The following DSCAM variants were observed in gnomAD, a reference collection of about 807,000 sequenced individuals.
DSCAM encodes the protein DS cell adhesion molecule, also known as cell adhesion molecule DSCAM.
A neutral mutation model predicts 217.7 loss-of-function variants in DSCAM; 47 were observed. That is an observed-to-expected ratio of 0.22 (90% confidence interval 0.17 to 0.28). The LOEUF is 0.28. DSCAM is among the 10% of genes least tolerant of loss of function. The pLI, the probability that DSCAM is intolerant of heterozygous loss-of-function variation, is 1.00. For synonymous variants in DSCAM, 1,056 were observed against 1,015.3 expected (o/e 1.04, Z -0.76); for missense variants, 2,080 against 2,618.3 (o/e 0.79, Z 4.49).
chr21:40,215,444 T>G (rs768701648), intron 11 of DSCAM, among the ~76,000 whole-genome samples: 2 of 150,918 alleles, frequency 1.3e-5, no homozygotes, highest in Non-Finnish European at 2.9e-5. Context: ...AAGAAAAAAT[T>G]GTGATATATA....
chr21:40,739,605 C>A (rs1266118898), intron 1 of DSCAM, among the ~76,000 whole-genome samples: 1 of 152,092 alleles, frequency 6.6e-6, no homozygotes, highest in African/African-American at 2.4e-5. Flanking sequence ...AACTTAATGA[C>A]ATTATTTTAA....
At chr21:40,594,027 C>T (rs1223198932) in intron 3 of DSCAM, among the ~76,000 whole-genome samples, 1 of 152,004 alleles carries the variant, frequency 6.6e-6, no homozygotes, top group Non-Finnish European at 1.5e-5. Context: ...TTCATTTATC[C>T]CCCTATATTT....
chr21:40,364,779 T>C (rs189647753), intron 4 of DSCAM, among the ~76,000 whole-genome samples: 10,392 of 143,164 alleles, frequency 0.073, 427 homozygotes, highest in East Asian at 0.2. Context: ...TATATATATA[T>C]ACACACATAC....
intron 4 of DSCAM, among the ~76,000 whole-genome samples, chr21:40,356,115 A>G (rs544884446): frequency 7.3e-4 from 111 of 152,274 alleles, no homozygotes; most frequent in African/African-American, 2.3e-3. Flanking sequence ...GAGTGCAGAT[A>G]TGTAATTTCA....
chr21:40,247,077 G>A (rs1601481037), intron 11 of DSCAM, among the ~76,000 whole-genome samples: 2 of 152,248 alleles, frequency 1.3e-5, no homozygotes, highest in South Asian at 4.2e-4. Context: ...ATTGTGAGAT[G>A]TATTCACTAT....
chr21:40,264,470 A>G (rs1375771416), intron 11 of DSCAM, among the ~76,000 whole-genome samples: 1 of 152,220 alleles, frequency 6.6e-6, no homozygotes, highest in Non-Finnish European at 1.5e-5. Context: ...TGATCATCTC[A>G]ATAGAGGCAG....
chr21:40,052,685 T>A (rs1199411376), intron 29 of DSCAM, among the ~76,000 whole-genome samples: 1 of 152,256 alleles, frequency 6.6e-6, no homozygotes, highest in Admixed American at 6.5e-5. Flanking sequence ...ACTCAAGGTA[T>A]GTTCCTTTTC....
intron 3 of DSCAM, among the ~76,000 whole-genome samples, chr21:40,405,093 A>G (rs1273054680): frequency 1.3e-5 from 2 of 152,214 alleles, no homozygotes; most frequent in African/African-American, 4.8e-5. Flanking sequence ...GCAAAGGTGA[A>G]TGGGACATAG....
chr21:40,399,296 CAAAA>C (rs766082182), intron 3 of DSCAM, among the ~76,000 whole-genome samples: 3 of 151,816 alleles, frequency 2.0e-5, no homozygotes, highest in African/African-American at 7.3e-5. Context: ...CAAAACAAAA[CAAAA>C]CAAAACAAAA....
intron 3 of DSCAM, among the ~76,000 whole-genome samples, chr21:40,644,524 C>T (rs1220980370): frequency 6.6e-6 from 1 of 152,194 alleles, no homozygotes; most frequent in Non-Finnish European, 1.5e-5. Flanking sequence ...GCCTCTGGTC[C>T]ACTGTGGGCC....
intron 32 of DSCAM, among the ~76,000 whole-genome samples, chr21:40,020,529 G>A (rs1375012663): frequency 6.7e-6 from 1 of 149,928 alleles, no homozygotes; most frequent in Non-Finnish European, 1.5e-5. Context: ...GTGTGTGTGT[G>A]TGAGAGAGAG....
chr21:40,385,387 A>C (rs1344490324), intron 3 of DSCAM: 2 of 152,228 alleles, frequency 1.3e-5, no homozygotes, highest in Non-Finnish European at 2.9e-5. Flanking sequence ...CTGTATTCCC[A>C]GTCCCTAGAA....
intron 15 of DSCAM, among the ~76,000 whole-genome samples, chr21:40,172,512 C>G (rs962836207): frequency 1.3e-5 from 2 of 152,232 alleles, no homozygotes; most frequent in Non-Finnish European, 2.9e-5. Flanking sequence ...TACGCTGTCT[C>G]TGCTTCTGTC....
At chr21:40,136,691 T>G (rs987000764) in intron 18 of DSCAM, among the ~76,000 whole-genome samples, 4 of 151,994 alleles carry the variant, frequency 2.6e-5, no homozygotes, top group African/African-American at 9.7e-5. Flanking sequence ...CTGATGAAGG[T>G]CTTTTTTTCC....
intron 3 of DSCAM, among the ~76,000 whole-genome samples, chr21:40,639,667 TTGTGTA>T (rs748325212): frequency 3.5e-5 from 5 of 144,168 alleles, no homozygotes; most frequent in South Asian, 2.4e-4. Context: ...TCGTGATGCT[TTGTGTA>T]TGTGTATGTG....
chr21:40,843,716 C>T (rs113241976), intron 1 of DSCAM, among the ~76,000 whole-genome samples: 3,156 of 151,450 alleles, frequency 0.021, 105 homozygotes, highest in African/African-American at 0.072. Flanking sequence ...CTTTAAAACA[C>T]GATACTGCAC....
In DSCAM at chr21:40,727,246, T is replaced by C. The variant is rs559366334; in HGVS notation, c.44-18475A>G. Among the ~76,000 whole-genome samples the C allele has an allele frequency of 2.6e-5, 4 of 152,298 alleles. No individual in the cohort carries two copies. The East Asian group carries it at 7.7e-4, about 29-fold the overall frequency. ...CGCAAGACTTTAAAAAATCTGTTGA[T>C]TGGAACCCTGGTTAAATTATTGTCC... On this transcript the variant is annotated intron_variant, in intron 1 of 32. Transcript: ENST00000400454.
At chr21:40,050,905 G>A (rs2146495384) in intron 30 of DSCAM, among the ~76,000 whole-genome samples, 1 of 152,264 alleles carries the variant, frequency 6.6e-6, no homozygotes, top group South Asian at 2.1e-4. Flanking sequence ...TTAGACAAAA[G>A]GAAGAGGTAA....
intron 11 of DSCAM, among the ~76,000 whole-genome samples, chr21:40,270,586 T>C (rs1189021948): frequency 1.3e-5 from 2 of 152,236 alleles, no homozygotes; most frequent in Non-Finnish European, 2.9e-5. Flanking sequence ...ATGATTGATA[T>C]GGTTTGGATC....
Sources: allele counts gnomAD v4.1 joint callset (sites outside exome capture counted in the v4.1 genomes callset), GRCh38; gene constraint gnomAD v4.1.1; transcripts MANE v1.5; gene names NCBI Gene and HGNC (gene_info 2026-07-23, HGNC 2026-07-21).